The following WWOX variants were observed in gnomAD, a reference collection of about 807,000 sequenced individuals.
WWOX encodes WW domain containing oxidoreductase, also known as WW domain-containing oxidoreductase.
A neutral mutation model predicts 46.2 loss-of-function variants in WWOX; 69 were observed. The observed-to-expected ratio is 1.49, with a 90% CI of 1.23 to 1.82. The LOEUF is 1.82. Ranked by LOEUF, WWOX falls within the 40% of genes most tolerant of loss-of-function variation. The pLI is 0.00. For missense variants in WWOX, 919 were observed against 542.6 expected, an observed-to-expected ratio of 1.69 and a Z score of -6.89; for synonymous variants, 359 against 202.6, an observed-to-expected ratio of 1.77 and a Z score of -6.56.
intron 8 of WWOX, among the ~76,000 whole-genome samples, chr16:78,720,120 T>C (rs2142349774): frequency 6.6e-6 from 1 of 152,340 alleles, no homozygotes. Context: ...TCTTGCTTCT[T>C]GGTCTTACTG....
At chr16:78,738,931 G>T (rs925900723) in intron 8 of WWOX, among the ~76,000 whole-genome samples, 1 of 152,088 alleles carries the variant, frequency 6.6e-6, no homozygotes, top group Non-Finnish European at 1.5e-5. Context: ...TCATTGCTGG[G>T]GTCCCCTAAA....
intron 8 of WWOX, among the ~76,000 whole-genome samples, chr16:78,707,035 G>C (rs75113597): frequency 6.6e-6 from 1 of 152,274 alleles, no homozygotes; most frequent in African/African-American, 2.4e-5. Context: ...GTAAACCATG[G>C]AATATTTTAA....
At chr16:78,519,108 G>T (rs1449449644) in intron 8 of WWOX, among the ~76,000 whole-genome samples, 1 of 152,216 alleles carries the variant, frequency 6.6e-6, no homozygotes, top group East Asian at 1.9e-4. Flanking sequence ...GGGGCCAGTT[G>T]GCTCCGTCTA....
chr16:78,444,706 A>T (rs2083518749), intron 8 of WWOX, among the ~76,000 whole-genome samples: 1 of 151,750 alleles, frequency 6.6e-6, no homozygotes. Context: ...AATTTTTTGT[A>T]TTCTTAGTAG....
At chr16:78,553,982 G>C (rs2044231517) in intron 8 of WWOX, among the ~76,000 whole-genome samples, 1 of 152,112 alleles carries the variant, frequency 6.6e-6, no homozygotes, top group East Asian at 1.9e-4. Context: ...CTCTACTGAG[G>C]AGTGGAAGTG....
chr16:78,345,912 A>G (rs1391845287), intron 5 of WWOX, among the ~76,000 whole-genome samples: 1 of 119,654 alleles, frequency 8.4e-6, no homozygotes, highest in Admixed American at 8.2e-5. Flanking sequence ...TAAATATACA[A>G]TTCAATGAGT....
chr16:78,399,384 T>C (rs2082360666), intron 6 of WWOX, among the ~76,000 whole-genome samples: 2 of 152,176 alleles, frequency 1.3e-5, no homozygotes, highest in Non-Finnish European at 1.5e-5. Context: ...ACAATAGTTA[T>C]TTTAGGCACA....
In WWOX at chr16:78,476,444, C is replaced by T. The variant is rs548199109; in HGVS notation, c.1056+43692C>T. Among the ~76,000 whole-genome samples the T allele has an allele frequency of 1.4e-4, 21 of 152,048 alleles. No individual in the cohort carries two copies. In the South Asian group the frequency reaches 3.3e-3, roughly 24 times the overall value. On this transcript the variant is annotated intron_variant, in intron 8 of 8. Coordinates refer to ENST00000566780, the MANE Select transcript of WWOX (RefSeq NM_016373.4). ...ACACAGGAAGGGGAACATCACACAC[C>T]GGGGCCTGTTGTGGGGTGCGGGGAG...
chr16:78,172,100 G>A (rs1015574621), intron 5 of WWOX, among the ~76,000 whole-genome samples: 1 of 152,160 alleles, frequency 6.6e-6, no homozygotes, highest in African/African-American at 2.4e-5. Context: ...CTGGTGTGTG[G>A]GTGATGCCGG....
intron 8 of WWOX, among the ~76,000 whole-genome samples, chr16:79,047,911 G>C (rs1329427542): frequency 6.6e-6 from 1 of 152,072 alleles, no homozygotes; most frequent in Non-Finnish European, 1.5e-5. Flanking sequence ...TTTTGAACCA[G>C]AATACACCCG....
intron 8 of WWOX, among the ~76,000 whole-genome samples, chr16:78,562,440 G>A (rs1220311386): frequency 6.6e-6 from 1 of 152,188 alleles, no homozygotes; most frequent in African/African-American, 2.4e-5. Context: ...CCCTGATGCT[G>A]AGCATACCAG....
At chr16:79,074,463 G>C (rs904147966) in intron 8 of WWOX, among the ~76,000 whole-genome samples, 2 of 91,416 alleles carry the variant, frequency 2.2e-5, no homozygotes, top group Non-Finnish European at 4.2e-5. Flanking sequence ...TCTCCATTTG[G>C]AGAGGCTGGC....
chr16:79,030,113 G>C (rs533632855), intron 8 of WWOX, among the ~76,000 whole-genome samples: 1 of 152,198 alleles, frequency 6.6e-6, no homozygotes, highest in African/African-American at 2.4e-5. Context: ...TGTTACAAAT[G>C]GAGCTTATTG....
At chr16:78,929,963 G>A (rs957791665) in intron 8 of WWOX, among the ~76,000 whole-genome samples, 8 of 152,094 alleles carry the variant, frequency 5.3e-5, no homozygotes, top group African/African-American at 1.9e-4. Flanking sequence ...AACTGCCCTT[G>A]CAGCTAGCTC....
chr16:78,852,969 A>G (rs901954168), intron 8 of WWOX, among the ~76,000 whole-genome samples: 27 of 152,168 alleles, frequency 1.8e-4, no homozygotes, highest in Non-Finnish European at 1.3e-4. Flanking sequence ...ATGAACTGCA[A>G]TTTATATCTT....
chr16:78,980,429 A>G (rs1036215829), intron 8 of WWOX, among the ~76,000 whole-genome samples: 2 of 152,234 alleles, frequency 1.3e-5, no homozygotes, highest in African/African-American at 4.8e-5. Flanking sequence ...ACACGATACC[A>G]CTTGAATTGA....
intron 5 of WWOX, among the ~76,000 whole-genome samples, chr16:78,201,890 G>A (rs1317806164): frequency 1.3e-5 from 2 of 151,740 alleles, no homozygotes; most frequent in East Asian, 3.9e-4. Flanking sequence ...TAGTAGAGAC[G>A]GGATTTTGCT....
At chr16:78,585,365 C>T (rs1026006646) in intron 8 of WWOX, among the ~76,000 whole-genome samples, 3 of 152,276 alleles carry the variant, frequency 2.0e-5, no homozygotes, top group Middle Eastern at 3.4e-3. Flanking sequence ...GCTGGAAATT[C>T]GTTAGCATTC....
chr16:79,080,839 C>G (rs945909705), intron 8 of WWOX, among the ~76,000 whole-genome samples: 1 of 152,088 alleles, frequency 6.6e-6, no homozygotes, highest in African/African-American at 2.4e-5. Flanking sequence ...AAAAGCATGG[C>G]TTTTATTCTA....
Sources: gnomAD v4.1 joint callset for allele counts (sites outside exome capture counted in the v4.1 genomes callset) on GRCh38, gnomAD v4.1.1 for gene constraint, MANE v1.5 for transcripts, NCBI Gene and HGNC (gene_info 2026-07-23, HGNC 2026-07-21) for gene names.